Variants in CD302 observed in about 807,000 individuals in gnomAD.
CD302 encodes the protein CD302 molecule.
CD302 carries 23 observed loss-of-function variants against 26.5 expected under a neutral mutation model. The observed-to-expected ratio is 0.87, with a 90% CI of 0.62 to 1.23. CD302 has a LOEUF of 1.23. Ranked by LOEUF, CD302 falls within the 50% of genes most tolerant of loss-of-function variation. The pLI is 0.00. For missense variants in CD302, 290 were observed against 275.5 expected (o/e 1.05, Z -0.37); for synonymous variants, 90 against 99.4 (o/e 0.91, Z 0.56).
rs1165653229 is a variant in CD302, at chr2:159,771,205, C to A, written c.*646G>T. ...GGGCACTATAATATGTAAGTGTTAA[C>A]CTAATTGCCAGCTTTCTCTATGCCA... On this transcript the variant is annotated 3_prime_UTR_variant, in exon 6 of 6. Transcript: ENST00000259053. 6.6e-6 allele frequency: 1 copy of A among 152,174 alleles called. No individual in the cohort carries two copies. Among genetic ancestry groups the A allele is most frequent in the Non-Finnish European group, 1.5e-5 (1 of 68,076 alleles). The allele number at this position is 152,174 out of a possible 1,614,324, so 9.4% of individuals were successfully genotyped here.
At position 159,784,346 on chromosome 2, in the gene CD302, C is replaced by CTTTT. The variant is rs151184238; in HGVS notation, c.68-881_68-878dup. 7.5e-5 allele frequency among the ~76,000 whole-genome samples: 4 copies of CTTTT among 53,066 alleles called. 1 individual carries two copies. The highest frequency in any genetic ancestry group is 3.1e-4 in the Admixed American group (1 of 3,276). The allele number at this position is 53,066 out of a possible 152,430, so 34.8% of individuals were successfully genotyped here. A position where few individuals can be genotyped will look rare whatever the true frequency, so the allele number is the denominator to read the frequency against. The stretch of plus-strand genomic sequence containing the variant: ...TAGCAATTTTATGTTTTAAGTTCTG[C>CTTTT]TTTTTTTTTTTTTTTTTTTTTTTTT... On this transcript the variant is annotated intron_variant, in intron 1 of 5. Coordinates refer to ENST00000259053, the MANE Select transcript of CD302 (RefSeq NM_014880.5).
At chr2:159,776,052 C>T (rs969767036) in intron 5 of CD302, among the ~76,000 whole-genome samples, 1 of 99,444 alleles carries the variant, frequency 1.0e-5, no homozygotes, top group Non-Finnish European at 2.0e-5. Flanking sequence ...GGGATTTCGC[C>T]ATGTTGGCCA....
Position 159,771,774 on chromosome 2 carries a change from GT to G in CD302, c.*76del. 6.7e-7 allele frequency: 1 copy of G among 1,502,592 alleles called. No individual in the cohort carries two copies. The highest frequency in any genetic ancestry group is 9.1e-7 in the Non-Finnish European group (1 of 1,097,598). 93.1% of individuals were successfully genotyped at this position (1,502,592 alleles called of 1,614,324 possible). A position where few individuals can be genotyped will look rare whatever the true frequency, so the allele number is the denominator to read the frequency against. ...TTAAAGCTCTAATATCCAATGTCAAGTTTTATATTAAAATCTTTCCCAAGTT... is the reference window on the plus strand; with the variant it reads ...TTAAAGCTCTAATATCCAATGTCAAGTTTATATTAAAATCTTTCCCAAGTT... On this transcript the variant is annotated 3_prime_UTR_variant, in exon 6 of 6. Coordinates refer to ENST00000259053, the MANE Select transcript of CD302 (RefSeq NM_014880.5).
chr2:159,793,388 G>T (rs1291888051), intron 1 of CD302, among the ~76,000 whole-genome samples: 1 of 150,798 alleles, frequency 6.6e-6, no homozygotes, highest in East Asian at 1.9e-4. Context: ...AAATCTAATA[G>T]AACTCTCTGT....
chr2:159,777,263 T>TAATC (rs1560042614), intron 5 of CD302, among the ~76,000 whole-genome samples: 1 of 152,136 alleles, frequency 6.6e-6, no homozygotes, highest in African/African-American at 2.4e-5. Flanking sequence ...TACAAATAAA[T>TAATC]AATCATCTGA....
At chr2:159,784,828 T>A (rs1239313092) in intron 1 of CD302, among the ~76,000 whole-genome samples, 1 of 152,184 alleles carries the variant, frequency 6.6e-6, no homozygotes, top group Non-Finnish European at 1.5e-5. Context: ...CAGCTTCTTA[T>A]ATAGCACAGA....
chr2:159,784,479 C>T (rs891205779), intron 1 of CD302, among the ~76,000 whole-genome samples: 1 of 150,244 alleles, frequency 6.7e-6, no homozygotes, highest in Non-Finnish European at 1.5e-5. Context: ...CCTCAGCGTT[C>T]CGTGTAGCTG....
intron 2 of CD302, among the ~76,000 whole-genome samples, chr2:159,782,050 T>C (rs557426092): frequency 6.6e-6 from 1 of 152,224 alleles, no homozygotes; most frequent in South Asian, 2.1e-4. Flanking sequence ...GTGGATTGCC[T>C]GACCTCAGGA....
chr2:159,769,647 T>TAC lies in CD302; in HGVS notation c.*2203_*2204insGT, dbSNP rs1043824137. ...GGCAGCACAGTGAGACTCCATCATA[T>TAC]ATATATATATAGCACTTCATTACCA... On this transcript the variant is annotated 3_prime_UTR_variant, in exon 6 of 6. Coordinates refer to ENST00000259053, the MANE Select transcript of CD302 (RefSeq NM_014880.5). 4 of 151,710 alleles carry TAC rather than the reference T, an allele frequency of 2.6e-5. No homozygotes were observed. Among genetic ancestry groups the TAC allele is most frequent in the African/African-American group, 9.7e-5 (4 of 41,238 alleles). 9.4% of individuals were successfully genotyped at this position (151,710 alleles called of 1,614,324 possible). A position where few individuals can be genotyped will look rare whatever the true frequency, so the allele number is the denominator to read the frequency against.
chr2:159,788,308 T>C (rs1435329544), intron 1 of CD302, among the ~76,000 whole-genome samples: 2 of 152,198 alleles, frequency 1.3e-5, no homozygotes, highest in African/African-American at 4.8e-5. Context: ...ATTTTTACTG[T>C]GCTTTTGCTA....
rs1268441908 is a variant in CD302, at chr2:159,768,848, G to A, written c.*3003C>T. On this transcript the variant is annotated 3_prime_UTR_variant, in exon 6 of 6. Coordinates refer to ENST00000259053, the MANE Select transcript of CD302 (RefSeq NM_014880.5). Reference sequence around the variant, plus strand: ...TTTAATAAAATTCAGTATGACAGTTGTCTTCTGCTTAACCCATAAAACTTT... The same window carrying A: ...TTTAATAAAATTCAGTATGACAGTTATCTTCTGCTTAACCCATAAAACTTT... The A allele has an allele frequency of 6.6e-6, 1 of 152,044 alleles. No homozygotes were observed. The highest frequency in any genetic ancestry group is 1.5e-5 in the Non-Finnish European group (1 of 67,970). The allele number at this position is 152,044 out of a possible 1,614,324, so 9.4% of individuals were successfully genotyped here. A position where few individuals can be genotyped will look rare whatever the true frequency, so the allele number is the denominator to read the frequency against.
At chr2:159,785,011 G>A (rs560634068) in intron 1 of CD302, among the ~76,000 whole-genome samples, 115 of 123,584 alleles carry the variant, frequency 9.3e-4, no homozygotes, top group African/African-American at 3.5e-3. Context: ...GTCTTACTCT[G>A]TCACCCAGGC....
intron 1 of CD302, among the ~76,000 whole-genome samples, chr2:159,789,601 A>T (rs1300701780): frequency 6.6e-6 from 1 of 151,718 alleles, no homozygotes; most frequent in Non-Finnish European, 1.5e-5. Flanking sequence ...ATCAAATGCC[A>T]AACACTGTGT....
At chr2:159,779,229 G>GA (rs1708431317) in intron 4 of CD302, among the ~76,000 whole-genome samples, 1 of 22,678 alleles carries the variant, frequency 4.4e-5, no homozygotes. Flanking sequence ...AGACTGCATC[G>GA]CAAAAAAAAA....
rs564937111 is a variant in CD302 at position 159,781,092 on chromosome 2, C to G, written c.179-94G>C. ...AAATAATAAATAGTTGCTTAACTTT[C>G]TATATATATTAGAGCTGGACAATAA... On this transcript the variant is annotated intron_variant, in intron 2 of 5. Coordinates refer to ENST00000259053, the MANE Select transcript of CD302 (RefSeq NM_014880.5). The G allele has an allele frequency of 8.2e-6, 8 of 970,800 alleles. No individual in the cohort carries two copies. In the East Asian group the frequency reaches 2.1e-4, roughly 25 times the overall value. The allele number at this position is 970,800 out of a possible 1,614,324, so 60.1% of individuals were successfully genotyped here.
intron 1 of CD302, 97 bp from the exon 2 acceptor site, chr2:159,783,566 C>T: frequency 1.3e-6 from 1 of 798,028 alleles, no homozygotes; most frequent in Non-Finnish European, 1.8e-6. Context: ...TTTTCACACA[C>T]ACACAAAGGC....
chr2:159,784,558 G>A (rs1450963523), intron 1 of CD302, among the ~76,000 whole-genome samples: 3 of 151,758 alleles, frequency 2.0e-5, no homozygotes, highest in African/African-American at 4.8e-5. Flanking sequence ...GTTTCGCCAC[G>A]TTGCCCAGGC....
chr2:159,771,985 T>C lies in CD302; in HGVS notation c.565A>G (p.Ile189Val). The change falls in exon 6 of 6, where the codon ATT (isoleucine) becomes GTT (valine). Residue 189 changes from isoleucine (I) to valine (V), a missense_variant. Ile to Val is a conservative substitution (Grantham distance 29). Coordinates refer to ENST00000259053, the MANE Select transcript of CD302 (RefSeq NM_014880.5). ...GAATGTTTTTTGTACAGGAACCAAATGATTGCTCCCAAAACTGTCAAAATT... is the reference window on the plus strand; with the variant it reads ...GAATGTTTTTTGTACAGGAACCAAACGATTGCTCCCAAAACTGTCAAAATT... ...TVILTVLGAI[I>V]WFLYKKHSDS... 2.5e-6 allele frequency: 4 copies of C among 1,614,036 alleles called. No homozygotes were observed. Among genetic ancestry groups the C allele is most frequent in the Non-Finnish European group, 3.4e-6 (4 of 1,179,942 alleles).
chr2:159,787,218 T>TAGAAA (rs1303563176), intron 1 of CD302, among the ~76,000 whole-genome samples: 1 of 152,184 alleles, frequency 6.6e-6, no homozygotes, highest in Non-Finnish European at 1.5e-5. Context: ...GCCAAACACT[T>TAGAAA]TTTCTAAGTA....
Sources: gnomAD v4.1 joint callset for allele counts (sites outside exome capture counted in the v4.1 genomes callset) on GRCh38, gnomAD v4.1.1 for gene constraint, MANE v1.5 for transcripts, NCBI Gene and HGNC (gene_info 2026-07-23, HGNC 2026-07-21) for gene names.